Variants in ZNF816 observed in about 807,000 individuals in gnomAD.
ZNF816 encodes the protein zinc finger protein 816A.
A neutral mutation model predicts 8.3 loss-of-function variants in ZNF816; 11 were observed. The observed-to-expected ratio is 1.32, with a 90% CI of 0.83 to 2.19. ZNF816 has a LOEUF of 2.19. Among genes scored for constraint, ZNF816 ranks in the 30% most tolerant of loss-of-function variants. The pLI is 0.00. For missense variants in ZNF816, 710 were observed against 779.3 expected, an observed-to-expected ratio of 0.91 and a Z score of 1.06; for synonymous variants, 255 against 254.5, an observed-to-expected ratio of 1.00 and a Z score of -0.02.
At chr19:52,961,172 T>C (rs78263224) in intron 1 of ZNF816, among the ~76,000 whole-genome samples, 3,442 of 152,278 alleles carry the variant, frequency 0.023, 59 homozygotes, top group Non-Finnish European at 0.035. Flanking sequence ...ATGACAAACC[T>C]ACTATGGGTT....
intron 2 of ZNF816, among the ~76,000 whole-genome samples, chr19:52,955,638 G>T (rs137897568): frequency 1.1e-3 from 166 of 152,304 alleles, no homozygotes; most frequent in Middle Eastern, 6.8e-3. Context: ...GAATTTACCA[G>T]ATTAACCAGT....
At chr19:52,961,121 T>C (rs938680233) in intron 1 of ZNF816, among the ~76,000 whole-genome samples, 1 of 152,224 alleles carries the variant, frequency 6.6e-6, no homozygotes, top group East Asian at 1.9e-4. Context: ...AAGGATCTTA[T>C]TTGTATAATT....
Position 52,957,425 on chromosome 19 carries a change from T to C in ZNF816, c.-15-1321A>G, listed in dbSNP as rs182927429. Among the ~76,000 whole-genome samples, 7 of 152,000 alleles carry C rather than the reference T, an allele frequency of 4.6e-5. No individual in the cohort carries two copies. The highest frequency in any genetic ancestry group is 2.0e-4 in the Admixed American group (3 of 15,274). ...AACCAGTGTGCTTACTGTAAAGAAA[T>C]AGGATATTAGAAGGACAAGTGCCCT... On this transcript the variant is annotated intron_variant, in intron 1 of 3. Coordinates refer to ENST00000444460, the MANE Select transcript of ZNF816 (RefSeq NM_001202457.3). The surrounding 1 kb of genome is among the most constrained non-coding windows in gnomAD (Gnocchi z 4.6).
rs2083470165 is a variant in ZNF816 at position 52,952,741 on chromosome 19, T to C, written c.190+10A>G. ...CAGATTCCTCATGTCTGGAGGGACATTTTCCTCACCCACAAACTCCAGGTT... is the reference window on the plus strand; with the variant it reads ...CAGATTCCTCATGTCTGGAGGGACACTTTCCTCACCCACAAACTCCAGGTT... On this transcript the variant is annotated intron_variant, in intron 3 of 3. Transcript: ENST00000444460. The C allele has an allele frequency of 6.2e-7, 1 of 1,613,254 alleles. No individual in the cohort carries two copies. Among genetic ancestry groups the C allele is most frequent in the South Asian group, 1.1e-5 (1 of 91,058 alleles).
At chr19:52,956,693 A>G (rs185565621) in intron 1 of ZNF816, among the ~76,000 whole-genome samples, 165 of 152,324 alleles carry the variant, frequency 1.1e-3, no homozygotes, top group Middle Eastern at 6.8e-3. Context: ...GGTGGCACGC[A>G]GCTGTGGTCC....
At chr19:52,952,965 G>T in intron 2 of ZNF816, 88 bp from the exon 3 acceptor site, 2 of 1,504,880 alleles carry the variant, frequency 1.3e-6, no homozygotes, top group South Asian at 2.8e-5. Context: ...AATAAGTATT[G>T]ATTTGATCCA....
intron 1 of ZNF816, chr19:52,960,180 G>A: frequency 9.4e-6 from 2 of 213,354 alleles, no homozygotes; most frequent in Non-Finnish European, 1.9e-5. Flanking sequence ...TGTGTTACCT[G>A]CCGACAGCAC....
chr19:52,955,813 G>A (rs756193987), intron 2 of ZNF816, among the ~76,000 whole-genome samples: 4 of 152,140 alleles, frequency 2.6e-5, no homozygotes, highest in Non-Finnish European at 5.9e-5. Context: ...CCCTTCCCAG[G>A]ACCATGCCCA....
chr19:52,962,271 G>T (rs4803025), intron 1 of ZNF816, among the ~76,000 whole-genome samples: 144,337 of 152,180 alleles, frequency 0.95, 68,456 homozygotes, highest in Middle Eastern at 0.97. Flanking sequence ...GAAGAAAAGT[G>T]AAAATCTGGG....
chr19:52,959,365 G>A (rs1477369287), intron 1 of ZNF816, among the ~76,000 whole-genome samples: 1 of 152,232 alleles, frequency 6.6e-6, no homozygotes, highest in Non-Finnish European at 1.5e-5. Context: ...GCCCTGTTGA[G>A]CATAACTGTG....
chr19:52,960,119 T>A (rs1410946337), intron 1 of ZNF816: 1 of 172,570 alleles, frequency 5.8e-6, no homozygotes, highest in African/African-American at 2.4e-5. Flanking sequence ...GTTAGGCTGG[T>A]ACTTCTACAG....
At chr19:52,953,440 T>C (rs2083477510) in intron 2 of ZNF816, 2 of 129,648 alleles carry the variant, frequency 1.5e-5, no homozygotes, top group South Asian at 4.0e-4. Flanking sequence ...ACACATATGT[T>C]TTATATATAT....
chr19:52,954,374 A>AAAC (rs1437438024), intron 2 of ZNF816, among the ~76,000 whole-genome samples: 1 of 149,992 alleles, frequency 6.7e-6, no homozygotes, highest in Admixed American at 6.6e-5. Flanking sequence ...AAAAACAAAC[A>AAAC]AACAACAACA....
chr19:52,953,640 T>C (rs1178237663), intron 2 of ZNF816, among the ~76,000 whole-genome samples: 1 of 139,614 alleles, frequency 7.2e-6, no homozygotes, highest in Non-Finnish European at 1.5e-5. Flanking sequence ...CAATATTATA[T>C]ATAATATATA....
intron 3 of ZNF816, chr19:52,952,494 A>G: frequency 1.7e-6 from 1 of 573,258 alleles, no homozygotes; most frequent in East Asian, 3.2e-5. Context: ...TTCCAGGGAC[A>G]TCTCTTCCTA....
intron 1 of ZNF816, chr19:52,960,150 C>T (rs905577834): frequency 3.7e-5 from 7 of 189,268 alleles, no homozygotes; most frequent in Non-Finnish European, 7.7e-5. Context: ...TCAGCCCTCG[C>T]CAAAACCGTG....
rs368474785 is a variant in ZNF816, at chr19:52,949,818, A to G, written c.*1T>C. ...CATTACTGAAGACTTTGTGACAATCATTACATTTGTAAAGTTTCCCTACAC... is the reference window on the plus strand; with the variant it reads ...CATTACTGAAGACTTTGTGACAATCGTTACATTTGTAAAGTTTCCCTACAC... On this transcript the variant is annotated 3_prime_UTR_variant, in exon 4 of 4. Transcript: ENST00000444460. 1.7e-5 allele frequency: 27 copies of G among 1,613,316 alleles called. No homozygotes were observed. Among genetic ancestry groups the G allele is most frequent in the Non-Finnish European group, 2.1e-5 (25 of 1,179,686 alleles).
intron 3 of ZNF816, chr19:52,951,908 A>G (rs2083463825): frequency 2.4e-6 from 1 of 419,342 alleles, no homozygotes; most frequent in African/African-American, 2.1e-5. Context: ...AGAAAAAAAA[A>G]AGAGTTCAGT....
At position 52,954,729 on chromosome 19, in the gene ZNF816, C is replaced by T. The variant is rs116198114; in HGVS notation, c.63+1298G>A. 4.3e-3 allele frequency among the ~76,000 whole-genome samples: 626 copies of T among 147,052 alleles called. 2 individuals are homozygous for T. The highest frequency in any genetic ancestry group is 0.015 in the African/African-American group (595 of 39,466). On this transcript the variant is annotated intron_variant, in intron 2 of 3. Transcript: ENST00000444460. ...AATGCAGCTACTCAGTTGGCTGAAG[C>T]GTAAGACTCATTTGAACCTGAGAGC...
Sources: gnomAD v4.1 joint callset for allele counts (sites outside exome capture counted in the v4.1 genomes callset) on GRCh38, gnomAD v4.1.1 for gene constraint, Gnocchi (gnomAD v3.1) non-coding constraint, MANE v1.5 for transcripts, NCBI Gene and HGNC (gene_info 2026-07-23, HGNC 2026-07-21) for gene names.